Variants in KAZN observed in about 807,000 individuals in gnomAD.
KAZN encodes kazrin.
Under a neutral mutation model 87.4 loss-of-function variants are expected in KAZN, and 40 were observed. The observed-to-expected ratio is 0.46, with a 90% CI of 0.36 to 0.60. KAZN has a LOEUF of 0.60. Among genes scored for constraint, KAZN ranks in the 20% least tolerant of loss-of-function variants. The pLI is 0.00. For missense variants in KAZN, 898 were observed against 1,073.9 expected (o/e 0.84, Z 2.29); for synonymous variants, 466 against 458.3 (o/e 1.02, Z -0.22).
At chr1:14,292,116 C>T (rs1393671134) in intron 2 of KAZN, among the ~76,000 whole-genome samples, 1 of 152,124 alleles carries the variant, frequency 6.6e-6, no homozygotes, top group Non-Finnish European at 1.5e-5. Flanking sequence ...TAAGTGATGA[C>T]TTATAGTATG....
intron 1 of KAZN, among the ~76,000 whole-genome samples, chr1:14,887,240 T>C (rs1160823196): frequency 6.6e-6 from 1 of 152,212 alleles, no homozygotes; most frequent in Admixed American, 6.5e-5. Context: ...AGATTTTTTT[T>C]CCTAAACTGA....
intron 1 of KAZN, among the ~76,000 whole-genome samples, chr1:14,857,354 C>T (rs1572661715): frequency 6.6e-6 from 1 of 152,176 alleles, no homozygotes; most frequent in East Asian, 1.9e-4. Flanking sequence ...CTAGCCTTAG[C>T]AACATAGTGA....
chr1:14,753,884 T>C (rs572545806), intron 1 of KAZN, among the ~76,000 whole-genome samples: 7 of 152,350 alleles, frequency 4.6e-5, no homozygotes, highest in Admixed American at 2.6e-4. Flanking sequence ...CAGTGTCTGG[T>C]GAGGCTGTTC....
At chr1:14,825,447 G>A (rs757290934) in intron 1 of KAZN, among the ~76,000 whole-genome samples, 8 of 151,704 alleles carry the variant, frequency 5.3e-5, no homozygotes, top group African/African-American at 1.9e-4. Context: ...TGCTTGCCGC[G>A]GGCCTGAAAA....
At chr1:14,631,531 G>GCCCC (rs1679563832) in intron 1 of KAZN, among the ~76,000 whole-genome samples, 1 of 152,128 alleles carries the variant, frequency 6.6e-6, no homozygotes, top group African/African-American at 2.4e-5. Flanking sequence ...AGGCCCTCCA[G>GCCCC]CCCCGATCCT....
intron 2 of KAZN, among the ~76,000 whole-genome samples, chr1:14,561,908 A>C (rs1335325965): frequency 6.6e-6 from 1 of 151,930 alleles, no homozygotes; most frequent in Non-Finnish European, 1.5e-5. Context: ...CATCTCAAAA[A>C]AAAAAAGAAG....
chr1:15,094,114 TG>T lies in KAZN; in HGVS notation c.1223-64del. 1 of 1,453,724 alleles carries T rather than the reference TG, an allele frequency of 6.9e-7. No individual in the cohort carries two copies. 90.1% of individuals were successfully genotyped at this position (1,453,724 alleles called of 1,614,324 possible). ...CACCACCCTCTGCCTCCCGGGGGTA[TG>T]GCCTGCCCAGCCCCTGCCCCCAGCA... On this transcript the variant is annotated intron_variant, in intron 8 of 14. Coordinates refer to ENST00000376030, the MANE Select transcript of KAZN (RefSeq NM_201628.3). The surrounding 1 kb of genome is among the most constrained non-coding windows in gnomAD (Gnocchi z 4.5).
At chr1:14,928,041 G>T (rs1659358198) in intron 1 of KAZN, among the ~76,000 whole-genome samples, 1 of 152,090 alleles carries the variant, frequency 6.6e-6, no homozygotes, top group Admixed American at 6.5e-5. Context: ...CTGGTCCTTA[G>T]AACAGTTCAG....
intron 5 of KAZN, among the ~76,000 whole-genome samples, chr1:15,058,776 TTTGGGAGGCTGA>T (rs1342723700): frequency 6.6e-6 from 1 of 152,060 alleles, no homozygotes; most frequent in East Asian, 1.9e-4. Flanking sequence ...AGCCCAGCAC[TTTGGGAGGCTGA>T]GGTGGACAGA....
At chr1:14,117,581 G>A (rs1204560300) in intron 1 of KAZN, among the ~76,000 whole-genome samples, 2 of 152,090 alleles carry the variant, frequency 1.3e-5, no homozygotes, top group Non-Finnish European at 2.9e-5. Context: ...CCATTACACT[G>A]GGGGTTGGGT....
chr1:14,160,940 T>C (rs1489831072), intron 1 of KAZN, among the ~76,000 whole-genome samples: 1 of 152,210 alleles, frequency 6.6e-6, no homozygotes, highest in Non-Finnish European at 1.5e-5. Context: ...GGACTTATCT[T>C]TGTGGTTTGA....
At chr1:14,396,146 C>G (rs150051706) in intron 2 of KAZN, among the ~76,000 whole-genome samples, 2 of 132,440 alleles carry the variant, frequency 1.5e-5, no homozygotes, top group Non-Finnish European at 3.1e-5. Flanking sequence ...CCAGCCTGAG[C>G]GACAAGAGCA....
At chr1:14,407,105 T>G (rs190158042) in intron 2 of KAZN, among the ~76,000 whole-genome samples, 11 of 152,342 alleles carry the variant, frequency 7.2e-5, no homozygotes, top group African/African-American at 2.4e-4. Flanking sequence ...TCACTCAACA[T>G]TACACTAGCA....
chr1:14,743,963 A>AAAAGAGGTTTT (rs1644189466), intron 1 of KAZN, among the ~76,000 whole-genome samples: 1 of 151,984 alleles, frequency 6.6e-6, no homozygotes. Flanking sequence ...CAAAACCAAG[A>AAAAGAGGTTTT]CTCTGGTACC....
chr1:14,512,385 C>A (rs1313610921), intron 2 of KAZN, among the ~76,000 whole-genome samples: 5 of 152,050 alleles, frequency 3.3e-5, no homozygotes, highest in Non-Finnish European at 5.9e-5. Context: ...GGCCTCTACC[C>A]ACGGGATGCC....
Position 15,066,651 on chromosome 1 carries a change from A to G in KAZN, c.1222+898A>G. The G allele has an allele frequency of 1.0e-6, 1 of 984,550 alleles. No homozygotes were observed. Among genetic ancestry groups the G allele is most frequent in the Non-Finnish European group, 1.2e-6 (1 of 829,186 alleles). The allele number at this position is 984,550 out of a possible 1,614,324, so 61.0% of individuals were successfully genotyped here. A position where few individuals can be genotyped will look rare whatever the true frequency, so the allele number is the denominator to read the frequency against. On this transcript the variant is annotated intron_variant, in intron 8 of 14. Coordinates refer to ENST00000376030, the MANE Select transcript of KAZN (RefSeq NM_201628.3). The surrounding 1 kb of genome is among the most constrained non-coding windows in gnomAD (Gnocchi z 4.3). ...ATCTAAATTATTACATAAATATTGG[A>G]ATGTCTATTTTTCCATGGGGTGGGC... is the stretch of plus-strand genomic sequence containing the variant.
intron 2 of KAZN, among the ~76,000 whole-genome samples, chr1:14,483,961 A>G (rs1243442606): frequency 1.3e-5 from 2 of 152,218 alleles, no homozygotes; most frequent in East Asian, 3.8e-4. Context: ...ATAATGGTCT[A>G]ATTTGATTCT....
chr1:14,456,358 G>C, intron 2 of KAZN, among the ~76,000 whole-genome samples: 1 of 152,112 alleles, frequency 6.6e-6, no homozygotes, highest in East Asian at 1.9e-4. Context: ...GTTTACGGAG[G>C]TCTCTCCAGT....
At chr1:14,018,628 C>A (rs1024552940) in intron 1 of KAZN, among the ~76,000 whole-genome samples, 2 of 152,084 alleles carry the variant, frequency 1.3e-5, no homozygotes, top group Admixed American at 1.3e-4. Context: ...GAGGGTCTGT[C>A]TTCCATGTGT....
Sources: allele counts gnomAD v4.1 joint callset (sites outside exome capture counted in the v4.1 genomes callset), GRCh38; gene constraint gnomAD v4.1.1; non-coding constraint Gnocchi (gnomAD v3.1); transcripts MANE v1.5; gene names NCBI Gene and HGNC (gene_info 2026-07-23, HGNC 2026-07-21).